Variants in XRCC4 observed in about 807,000 individuals in gnomAD.
XRCC4 encodes DNA repair protein XRCC4.
A neutral mutation model predicts 39.1 loss-of-function variants in XRCC4; 28 were observed. The observed-to-expected ratio is 0.72, with a 90% CI of 0.53 to 0.98. XRCC4 has a LOEUF of 0.98. XRCC4 is among the 50% of genes least tolerant of loss of function. The pLI, the probability that XRCC4 is intolerant of heterozygous loss-of-function variation, is 0.00. For synonymous variants in XRCC4, 123 were observed against 126.4 expected, an observed-to-expected ratio of 0.97 and a Z score of 0.18; for missense variants, 350 against 376.4, an observed-to-expected ratio of 0.93 and a Z score of 0.58.
At chr5:83,126,500 G>A (rs574105730) in intron 3 of XRCC4, among the ~76,000 whole-genome samples, 1 of 152,204 alleles carries the variant, frequency 6.6e-6, no homozygotes, top group South Asian at 2.1e-4. Context: ...GCAGTTTAAA[G>A]GCTGTTGCAG....
chr5:83,323,953 T>C (rs1277155112), intron 7 of XRCC4, among the ~76,000 whole-genome samples: 1 of 152,076 alleles, frequency 6.6e-6, no homozygotes, highest in Non-Finnish European at 1.5e-5. Flanking sequence ...TATCCAGAGA[T>C]GATAGGATAA....
intron 7 of XRCC4, among the ~76,000 whole-genome samples, chr5:83,305,487 T>G (rs780116013): frequency 6.6e-6 from 1 of 152,172 alleles, no homozygotes; most frequent in Non-Finnish European, 1.5e-5. Flanking sequence ...AAATGTGTTA[T>G]GTTTCCCAAA....
chr5:83,177,447 T>C (rs894293020), intron 3 of XRCC4, among the ~76,000 whole-genome samples: 2 of 152,036 alleles, frequency 1.3e-5, no homozygotes, highest in African/African-American at 2.4e-5. Flanking sequence ...CCTTTTTTTT[T>C]TTTTTTTTGG....
chr5:83,202,460 G>A (rs986520355), intron 4 of XRCC4, among the ~76,000 whole-genome samples: 14 of 152,044 alleles, frequency 9.2e-5, no homozygotes, highest in Non-Finnish European at 1.8e-4. Context: ...CCTATGATAC[G>A]TTCTAATTCT....
intron 6 of XRCC4, among the ~76,000 whole-genome samples, chr5:83,205,697 G>A (rs961112893): frequency 9.9e-5 from 15 of 152,130 alleles, no homozygotes; most frequent in Non-Finnish European, 1.9e-4. Context: ...CTGTGCCATT[G>A]TGGAGTTTAA....
At chr5:83,165,158 C>T (rs1396232309) in intron 3 of XRCC4, among the ~76,000 whole-genome samples, 1 of 151,808 alleles carries the variant, frequency 6.6e-6, no homozygotes, top group African/African-American at 2.4e-5. Context: ...TGAACCTTTT[C>T]TGACACAGGT....
the XRCC4 span, among the ~76,000 whole-genome samples, chr5:83,367,152 G>C: frequency 6.6e-6 from 1 of 152,016 alleles, no homozygotes; most frequent in Admixed American, 6.6e-5. Context: ...TCAGTATCAT[G>C]ATGATTACAA....
At chr5:83,262,475 T>C (rs545149093) in intron 7 of XRCC4, among the ~76,000 whole-genome samples, 2 of 152,198 alleles carry the variant, frequency 1.3e-5, no homozygotes, top group South Asian at 2.1e-4. Flanking sequence ...TGGGGAAGCT[T>C]TCCTTTTATT....
At chr5:83,159,072 C>A (rs1749087606) in intron 3 of XRCC4, among the ~76,000 whole-genome samples, 1 of 152,008 alleles carries the variant, frequency 6.6e-6, no homozygotes, top group African/African-American at 2.4e-5. Context: ...CTTGTAACTA[C>A]AGAATTCTGA....
the XRCC4 span, among the ~76,000 whole-genome samples, chr5:83,359,190 G>T: frequency 6.6e-6 from 1 of 152,124 alleles, no homozygotes; most frequent in Non-Finnish European, 1.5e-5. Context: ...AGAAGCAGGG[G>T]TGCCAGTTAC....
the XRCC4 span, among the ~76,000 whole-genome samples, chr5:83,361,169 T>A: frequency 6.6e-6 from 1 of 152,172 alleles, no homozygotes; most frequent in South Asian, 2.1e-4. Context: ...CAGTACCTGG[T>A]GCACAGTAAG....
At position 83,220,817 on chromosome 5, in the gene XRCC4, C is replaced by T. The variant is rs191095597; in HGVS notation, c.745+15896C>T. On this transcript the variant is annotated intron_variant, in intron 6 of 7. Coordinates refer to ENST00000396027, the MANE Select transcript of XRCC4 (RefSeq NM_003401.5). ...AGGTACTGATGGTCACATTGCTTTT[C>T]GAGCTATATTATCTTTTAATTTAAA... 8.5e-5 allele frequency among the ~76,000 whole-genome samples: 13 copies of T among 152,180 alleles called. No homozygotes were observed. In the East Asian group the frequency reaches 1.7e-3, roughly 20 times the overall value.
At chr5:83,331,403 T>C (rs879533159) in intron 7 of XRCC4, among the ~76,000 whole-genome samples, 2 of 152,076 alleles carry the variant, frequency 1.3e-5, no homozygotes, top group Non-Finnish European at 2.9e-5. Flanking sequence ...TATATGGTAT[T>C]GGAGAGGAAT....
chr5:83,082,707 A>G (rs1249754676), intron 1 of XRCC4, among the ~76,000 whole-genome samples: 1 of 151,196 alleles, frequency 6.6e-6, no homozygotes, highest in Non-Finnish European at 1.5e-5. Flanking sequence ...AAATTTGTAA[A>G]CTTTCTTAAA....
chr5:83,139,953 A>G (rs1476721085), intron 3 of XRCC4, among the ~76,000 whole-genome samples: 3 of 152,190 alleles, frequency 2.0e-5, no homozygotes, highest in Non-Finnish European at 4.4e-5. Context: ...TATTTATGTT[A>G]AAAGCCATTA....
chr5:83,079,729 T>C (rs943225893), intron 1 of XRCC4, among the ~76,000 whole-genome samples: 4 of 152,034 alleles, frequency 2.6e-5, no homozygotes, highest in Non-Finnish European at 5.9e-5. Context: ...GAGACAGGGC[T>C]CACTATGTTG....
intron 3 of XRCC4, among the ~76,000 whole-genome samples, chr5:83,182,245 T>C (rs1470140769): frequency 6.6e-6 from 1 of 152,178 alleles, no homozygotes; most frequent in East Asian, 1.9e-4. Context: ...TGAACTTCCA[T>C]ACGAAACAGC....
intron 7 of XRCC4, among the ~76,000 whole-genome samples, chr5:83,261,157 G>A (rs6864383): frequency 0.2 from 29,734 of 150,964 alleles, 6,660 homozygotes; most frequent in African/African-American, 0.55. Context: ...TATTTTTAAT[G>A]AAAAAAAGAA....
chr5:83,304,437 C>G (rs1755407665), intron 7 of XRCC4, among the ~76,000 whole-genome samples: 1 of 152,142 alleles, frequency 6.6e-6, no homozygotes, highest in African/African-American at 2.4e-5. Context: ...CTGAATTCTA[C>G]CAAAATCCTT....
Sources: gnomAD v4.1 joint callset for allele counts (sites outside exome capture counted in the v4.1 genomes callset) on GRCh38, gnomAD v4.1.1 for gene constraint, MANE v1.5 for transcripts, NCBI Gene and HGNC (gene_info 2026-07-23, HGNC 2026-07-21) for gene names.